The following MALRD1 variants were observed in gnomAD, a reference collection of about 807,000 sequenced individuals.
The protein encoded by MALRD1 is MAM and LDL-receptor class A domain-containing protein 1.
MALRD1 carries 247 observed loss-of-function variants against 242.1 expected under a neutral mutation model. That is an observed-to-expected ratio of 1.02 (90% CI 0.92 to 1.13). The LOEUF is 1.13. MALRD1 is among the 50% of genes most tolerant of loss of function. MALRD1 has a pLI of 0.00. For missense variants in MALRD1, 2,989 were observed against 2,533.1 expected (o/e 1.18, Z -3.86); for synonymous variants, 995 against 866.6 (o/e 1.15, Z -2.60).
At chr10:19,623,079 A>G (rs1462829593) in intron 36 of MALRD1, among the ~76,000 whole-genome samples, 2 of 152,114 alleles carry the variant, frequency 1.3e-5, no homozygotes, top group African/African-American at 4.8e-5. Flanking sequence ...TCTCTATATT[A>G]TGAATGTAGG....
intron 18 of MALRD1, among the ~76,000 whole-genome samples, chr10:19,251,326 G>A (rs1346401992): frequency 2.0e-5 from 3 of 151,956 alleles, no homozygotes; most frequent in African/African-American, 7.2e-5. Context: ...TGAGACATTT[G>A]CTTACATTCC....
chr10:19,667,426 T>A (rs904337468), intron 36 of MALRD1, among the ~76,000 whole-genome samples: 1 of 152,184 alleles, frequency 6.6e-6, no homozygotes, highest in Admixed American at 6.5e-5. Flanking sequence ...TTTGGATCTG[T>A]GTCCCTGCCC....
intron 11 of MALRD1, among the ~76,000 whole-genome samples, chr10:19,147,777 C>T (rs1246650683): frequency 6.6e-6 from 1 of 152,036 alleles, no homozygotes; most frequent in Non-Finnish European, 1.5e-5. Context: ...AAGGAGATGA[C>T]TCCTGAAATG....
chr10:19,597,479 A>G (rs1456695855), intron 34 of MALRD1, among the ~76,000 whole-genome samples: 2 of 152,202 alleles, frequency 1.3e-5, no homozygotes, highest in Admixed American at 1.3e-4. Flanking sequence ...ATTATAGAAT[A>G]AGAGAATTCA....
At chr10:19,702,195 A>G (rs1833659625) in intron 38 of MALRD1, among the ~76,000 whole-genome samples, 1 of 152,230 alleles carries the variant, frequency 6.6e-6, no homozygotes, top group Admixed American at 6.5e-5. Flanking sequence ...GGAGATGCAT[A>G]GCTTTTCAAA....
intron 18 of MALRD1, among the ~76,000 whole-genome samples, chr10:19,216,753 G>A (rs986590822): frequency 6.6e-6 from 1 of 151,540 alleles, no homozygotes; most frequent in African/African-American, 2.4e-5. Flanking sequence ...AGACCATCCT[G>A]GCTAACACGG....
intron 33 of MALRD1, among the ~76,000 whole-genome samples, chr10:19,588,009 A>T (rs549091692): frequency 1.3e-5 from 2 of 152,058 alleles, no homozygotes; most frequent in South Asian, 4.1e-4. Context: ...ATACATGTAT[A>T]TACAACATCA....
At chr10:19,244,046 A>G (rs1031254786) in intron 18 of MALRD1, among the ~76,000 whole-genome samples, 1 of 152,222 alleles carries the variant, frequency 6.6e-6, no homozygotes, top group African/African-American at 2.4e-5. Flanking sequence ...CACTTTAATT[A>G]TCAATATGAT....
chr10:19,359,501 G>C (rs2095517061), intron 26 of MALRD1, among the ~76,000 whole-genome samples: 1 of 152,022 alleles, frequency 6.6e-6, no homozygotes, highest in Admixed American at 6.6e-5. Flanking sequence ...GGAACTGGGA[G>C]AAACAGCACA....
At chr10:19,459,815 A>T (rs1391650258) in intron 29 of MALRD1, among the ~76,000 whole-genome samples, 1 of 151,084 alleles carries the variant, frequency 6.6e-6, no homozygotes, top group Admixed American at 6.6e-5. Flanking sequence ...ATATAATTAT[A>T]TTTAATTATA....
At position 19,313,735 on chromosome 10, in the gene MALRD1, A is replaced by G. The variant is rs537038756; in HGVS notation, c.3420-10214A>G. On this transcript the variant is annotated intron_variant, in intron 21 of 39. Transcript: ENST00000454679. ...TTAAATAAAATATATTACATCATGT[A>G]ATTTCTTAGACTTTTTTATTCATGT... is the stretch of plus-strand genomic sequence containing the variant. 1.6e-4 allele frequency among the ~76,000 whole-genome samples: 24 copies of G among 151,684 alleles called. 1 individual carries two copies. In the East Asian group the frequency reaches 4.5e-3, roughly 28 times the overall value.
intron 36 of MALRD1, among the ~76,000 whole-genome samples, chr10:19,630,693 A>AT (rs1195423373): frequency 1.3e-5 from 2 of 152,102 alleles, no homozygotes; most frequent in African/African-American, 2.4e-5. Flanking sequence ...TTGTTTATGG[A>AT]TTTTATGGTG....
At chr10:19,449,515 T>C (rs543570050) in intron 28 of MALRD1, among the ~76,000 whole-genome samples, 1 of 151,584 alleles carries the variant, frequency 6.6e-6, no homozygotes, top group South Asian at 2.1e-4. Context: ...TTTAGTAGAT[T>C]AATATGCCTC....
intron 18 of MALRD1, among the ~76,000 whole-genome samples, chr10:19,215,407 G>A (rs7091387): frequency 0.41 from 62,944 of 152,032 alleles, 13,646 homozygotes; most frequent in Admixed American, 0.49. Context: ...CACAAACAAG[G>A]TTAATTTTTT....
intron 36 of MALRD1, among the ~76,000 whole-genome samples, chr10:19,686,920 T>A (rs1385393425): frequency 6.6e-6 from 1 of 151,766 alleles, no homozygotes; most frequent in African/African-American, 2.4e-5. Flanking sequence ...ACAAAAGAAG[T>A]GGTAAAATGT....
intron 28 of MALRD1, among the ~76,000 whole-genome samples, chr10:19,397,285 C>T (rs1226755763): frequency 6.6e-6 from 1 of 152,140 alleles, no homozygotes; most frequent in African/African-American, 2.4e-5. Context: ...CTGTTCTACT[C>T]CCTGCTTCTA....
At chr10:19,693,028 T>A (rs1365908293) in intron 38 of MALRD1, among the ~76,000 whole-genome samples, 1 of 151,904 alleles carries the variant, frequency 6.6e-6, no homozygotes, top group Non-Finnish European at 1.5e-5. Flanking sequence ...TCAACAGCCC[T>A]TCATGCTAAA....
intron 32 of MALRD1, among the ~76,000 whole-genome samples, chr10:19,559,768 C>A (rs1022420314): frequency 1.3e-5 from 2 of 151,984 alleles, no homozygotes; most frequent in African/African-American, 2.4e-5. Context: ...CCAGAATCTA[C>A]AAGAAAGTTA....
chr10:19,712,286 TATCTTTGTATG>T (rs1428020429), intron 38 of MALRD1, among the ~76,000 whole-genome samples: 2 of 152,210 alleles, frequency 1.3e-5, no homozygotes, highest in African/African-American at 4.8e-5. Flanking sequence ...ATCCTAATTG[TATCTTTGTATG>T]CCTAGAATTT....
Sources: gnomAD v4.1 joint callset for allele counts (sites outside exome capture counted in the v4.1 genomes callset) on GRCh38, gnomAD v4.1.1 for gene constraint, MANE v1.5 for transcripts, NCBI Gene and HGNC (gene_info 2026-07-23, HGNC 2026-07-21) for gene names.